Variants in SYCP2 observed in about 807,000 individuals in gnomAD.
The protein encoded by SYCP2 is synaptonemal complex protein 2.
A neutral mutation model predicts 211.3 loss-of-function variants in SYCP2; 55 were observed. The ratio of observed to expected loss-of-function variants is 0.26; its 90% confidence interval spans 0.21 to 0.33. The LOEUF is 0.33. SYCP2 is among the 10% of genes least tolerant of loss of function. SYCP2 has a pLI of 1.00. For synonymous variants in SYCP2, 570 were observed against 555.2 expected, an observed-to-expected ratio of 1.03 and a Z score of -0.37; for missense variants, 1,731 against 1,752.0, an observed-to-expected ratio of 0.99 and a Z score of 0.21.
chr20:59,893,420 AT>A, intron 21 of SYCP2, 103 bp downstream of exon 21: 1 of 839,998 alleles, frequency 1.2e-6, no homozygotes, highest in Non-Finnish European at 1.9e-6. Flanking sequence ...TTCTTTGTAA[AT>A]CTTTTTCAAA....
chr20:59,876,291 A>AAC (rs2059552430), intron 33 of SYCP2, among the ~76,000 whole-genome samples: 1 of 144,692 alleles, frequency 6.9e-6, no homozygotes, highest in South Asian at 2.3e-4. Flanking sequence ...CAATCGTTTG[A>AAC]ACACTGGAGG....
At chr20:59,919,021 TACAGTA>T (rs2060492236) in intron 7 of SYCP2, 131 bp downstream of exon 7, 1 of 470,490 alleles carries the variant, frequency 2.1e-6, no homozygotes, top group Non-Finnish European at 3.9e-6. Context: ...TCTGGCCCTT[TACAGTA>T]AAAGTTTGTT....
Position 59,906,010 on chromosome 20 carries a change from T to C in SYCP2, c.1033+1354A>G, listed in dbSNP as rs1017043832. Among the ~76,000 whole-genome samples the C allele has an allele frequency of 3.3e-5, 5 of 152,132 alleles. 1 individual carries two copies. Among genetic ancestry groups the C allele is most frequent in the Non-Finnish European group, 1.5e-5 (1 of 67,972 alleles). ...TCTATTTATAAACATATAGACTGAA[T>C]ACTTGGGAACAAATTCATCAAAAGA... is the stretch of plus-strand genomic sequence containing the variant. On this transcript the variant is annotated intron_variant, in intron 15 of 44. Transcript: ENST00000357552.
chr20:59,881,919 C>CA, intron 28 of SYCP2, 26 bp downstream of exon 28: 1 of 1,579,928 alleles, frequency 6.3e-7, no homozygotes, highest in East Asian at 2.2e-5. Context: ...TGAGTAAATA[C>CA]AAAGTATCTT....
Position 59,867,737 on chromosome 20 carries a change from T to C in SYCP2, c.4099A>G (p.Asn1367Asp). ...TTATTCCTTCTCTTAAATTCTGAAT[T>C]GAGCCTCTCGTAAGTCTCATAAGTC... ...EMTYETYERL[N>D]SEFKRRNNIR... The change falls in exon 39 of 45, where the codon AAT becomes GAT. Residue 1367 changes from asparagine to aspartate, a missense_variant. By Grantham distance (23) the Asn-to-Asp change is conservative. This residue lies in a region of SYCP2 where 1,387 missense variants were observed against 1,351.3 expected (regional missense o/e 1.03). Transcript: ENST00000357552. 6.2e-7 allele frequency: 1 copy of C among 1,609,036 alleles called. No homozygotes were observed.
intron 20 of SYCP2, 137 bp downstream of exon 20, chr20:59,895,300 C>T: frequency 1.5e-6 from 1 of 652,010 alleles, no homozygotes; most frequent in South Asian, 2.4e-5. Context: ...CTTTCAAGGG[C>T]AATAAATATT....
chr20:59,869,773 T>C (rs1419595657), intron 36 of SYCP2, 25 bp downstream of exon 36: 1 of 1,476,650 alleles, frequency 6.8e-7, no homozygotes, highest in African/African-American at 1.4e-5. Context: ...TAAGGAAAAT[T>C]TATAAGTTAT....
At chr20:59,928,346 T>C (rs916033543) in intron 2 of SYCP2, among the ~76,000 whole-genome samples, 3 of 152,186 alleles carry the variant, frequency 2.0e-5, no homozygotes, top group Non-Finnish European at 4.4e-5. Flanking sequence ...GAGTTGTTCC[T>C]ATTCATTAAT....
chr20:59,918,543 C>A (rs1045054453), intron 7 of SYCP2, among the ~76,000 whole-genome samples: 9 of 152,180 alleles, frequency 5.9e-5, no homozygotes, highest in Admixed American at 2.0e-4. Flanking sequence ...TTCCACATAA[C>A]CTTCAATTGG....
chr20:59,900,603 T>A, intron 17 of SYCP2, 141 bp downstream of exon 17: 1 of 622,050 alleles, frequency 1.6e-6, no homozygotes. Context: ...TTAAACATCA[T>A]ATACATTTTA....
rs751424320 is a variant in SYCP2 at position 59,919,195 on chromosome 20, GAAT to G, written c.403-16_403-14del. 1.0e-4 allele frequency: 120 copies of G among 1,196,826 alleles called. No individual in the cohort carries two copies. The East Asian group carries it at 1.6e-3, about 16-fold the overall frequency. The allele number at this position is 1,196,826 out of a possible 1,614,324, so 74.1% of individuals were successfully genotyped here. On this transcript the variant is annotated splice_polypyrimidine_tract_variant and intron_variant, in intron 6 of 44. Transcript: ENST00000357552. The stretch of plus-strand genomic sequence containing the variant: ...CATCATGTATGACCTGAAAAAAAGT[GAAT>G]AATATTTAATTTACAAGTTACTATA...
intron 1 of SYCP2, among the ~76,000 whole-genome samples, chr20:59,932,913 G>C (rs994776746): frequency 1.3e-5 from 2 of 152,084 alleles, no homozygotes; most frequent in Non-Finnish European, 2.9e-5. Flanking sequence ...AAGGTTTTGC[G>C]CGCACTCCCT....
chr20:59,908,004 T>C (rs1269238764), intron 14 of SYCP2, among the ~76,000 whole-genome samples: 18 of 152,152 alleles, frequency 1.2e-4, no homozygotes, highest in Admixed American at 1.1e-3. Flanking sequence ...CCCGGGACTT[T>C]GGGAGGCCAA....
intron 2 of SYCP2, among the ~76,000 whole-genome samples, chr20:59,931,262 TAA>T (rs1404057325): frequency 6.6e-6 from 1 of 152,088 alleles, no homozygotes; most frequent in Non-Finnish European, 1.5e-5. Context: ...TCTACAAAAA[TAA>T]AAGTTAGCCT....
chr20:59,908,710 C>A (rs552810036), intron 14 of SYCP2, among the ~76,000 whole-genome samples: 1 of 152,078 alleles, frequency 6.6e-6, no homozygotes, highest in Non-Finnish European at 1.5e-5. Flanking sequence ...TATGCCCTTA[C>A]CCAGATTCAA....
At chr20:59,899,324 A>C (rs1413057362) in intron 18 of SYCP2, among the ~76,000 whole-genome samples, 1 of 152,242 alleles carries the variant, frequency 6.6e-6, no homozygotes, top group African/African-American at 2.4e-5. Context: ...TGCAGATTTT[A>C]GTCAAAAGAT....
At chr20:59,905,817 G>A (rs1429404499) in intron 15 of SYCP2, among the ~76,000 whole-genome samples, 1 of 152,132 alleles carries the variant, frequency 6.6e-6, no homozygotes, top group Middle Eastern at 3.2e-3. Flanking sequence ...TTGGGAAGTA[G>A]GCAAAGATGT....
intron 14 of SYCP2, among the ~76,000 whole-genome samples, chr20:59,908,992 C>T (rs1018203207): frequency 6.6e-6 from 1 of 152,196 alleles, no homozygotes; most frequent in African/African-American, 2.4e-5. Flanking sequence ...AGTGAAACTG[C>T]TCTTTCATGG....
At chr20:59,869,016 T>C in intron 36 of SYCP2, 91 bp from the exon 37 acceptor site, 1 of 811,440 alleles carries the variant, frequency 1.2e-6, no homozygotes. Flanking sequence ...AACCAATAAT[T>C]TTAAATGCTG....
Sources: allele counts gnomAD v4.1 joint callset (sites outside exome capture counted in the v4.1 genomes callset), GRCh38; gene constraint gnomAD v4.1.1; regional missense constraint gnomAD v4.1.1; transcripts MANE v1.5; gene names NCBI Gene and HGNC (gene_info 2026-07-23, HGNC 2026-07-21).